Variants in MAGI1 observed in about 807,000 individuals in gnomAD.
MAGI1 encodes the protein membrane associated guanylate kinase, WW and PDZ domain containing 1.
Under a neutral mutation model 139.9 loss-of-function variants are expected in MAGI1, and 58 were observed. The observed-to-expected ratio is 0.41, with a 90% CI of 0.34 to 0.52. The LOEUF (loss-of-function observed/expected upper bound fraction) is 0.52, where lower values mean the gene tolerates loss of function less well. Ranked by LOEUF, MAGI1 falls within the 20% of genes least tolerant of loss-of-function variation. The pLI, the probability that MAGI1 is intolerant of heterozygous loss-of-function variation, is 0.12. For missense variants in MAGI1, 1,874 were observed against 1,901.6 expected, an observed-to-expected ratio of 0.99 and a Z score of 0.27; for synonymous variants, 812 against 737.9, an observed-to-expected ratio of 1.10 and a Z score of -1.63.
In MAGI1 at chr3:65,911,536, A is replaced by AT. The variant is rs566327496; in HGVS notation, c.313+126459dup. 2.9e-4 allele frequency among the ~76,000 whole-genome samples: 44 copies of AT among 151,930 alleles called. 1 individual carries two copies. In the South Asian group the frequency reaches 4.6e-3, roughly 16 times the overall value. ...TCTGCTTAGGGTGGATTCAGGGTAGATTTTTTTTGCACTTAGGACCAAACT... is the reference window on the plus strand; with the variant it reads ...TCTGCTTAGGGTGGATTCAGGGTAGATTTTTTTTTGCACTTAGGACCAAACT... On this transcript the variant is annotated intron_variant, in intron 1 of 22. Coordinates refer to ENST00000402939, the MANE Select transcript of MAGI1 (RefSeq NM_001033057.2).
chr3:65,838,354 A>C (rs2058697999), intron 1 of MAGI1, among the ~76,000 whole-genome samples: 1 of 151,880 alleles, frequency 6.6e-6, no homozygotes, highest in Admixed American at 6.5e-5. Context: ...CAAATATTTC[A>C]TCACCACAAA....
chr3:65,612,505 T>TA lies in MAGI1; in HGVS notation c.430+9466dup, dbSNP rs557728408. ...TGTTATTGGTTAATTTTAAATGCAATAAAAAAATATGTCATTGATCATTTT... is the reference window on the plus strand; with the variant it reads ...TGTTATTGGTTAATTTTAAATGCAATAAAAAAAATATGTCATTGATCATTTT... On this transcript the variant is annotated intron_variant, in intron 2 of 22. Coordinates refer to ENST00000402939, the MANE Select transcript of MAGI1 (RefSeq NM_001033057.2). Among the ~76,000 whole-genome samples the TA allele has an allele frequency of 2.1e-4, 32 of 152,150 alleles. 2 individuals are homozygous for TA. Among genetic ancestry groups the TA allele is most frequent in the Admixed American group, 6.5e-4 (10 of 15,278 alleles).
chr3:66,033,753 G>A (rs1473102849), intron 1 of MAGI1, among the ~76,000 whole-genome samples: 1 of 152,156 alleles, frequency 6.6e-6, no homozygotes, highest in Admixed American at 6.5e-5. Flanking sequence ...ACAAAAAGTA[G>A]AGGGATAGTT....
rs1229788710 is a variant in MAGI1 at position 65,962,573 on chromosome 3, G to A, written c.313+75423C>T. 4.0e-5 allele frequency among the ~76,000 whole-genome samples: 6 copies of A among 151,876 alleles called. No homozygotes were observed. In the East Asian group the frequency reaches 1.2e-3, roughly 30 times the overall value. On this transcript the variant is annotated intron_variant, in intron 1 of 22. Transcript: ENST00000402939. ...ACACTGGCCAGGCGAGGTGGTTCAC[G>A]TCTGTAATTACAGCACTTCGGGAGG...
intron 1 of MAGI1, among the ~76,000 whole-genome samples, chr3:65,852,224 G>C (rs900087342): frequency 9.2e-5 from 14 of 152,144 alleles, no homozygotes; most frequent in African/African-American, 3.4e-4. Flanking sequence ...TATCCTGCTG[G>C]TGTCTTCCAC....
chr3:65,976,626 G>A (rs2065279581), intron 1 of MAGI1, among the ~76,000 whole-genome samples: 1 of 152,128 alleles, frequency 6.6e-6, no homozygotes, highest in South Asian at 2.1e-4. Flanking sequence ...CTGGGACTCT[G>A]TCTCAAACAA....
chr3:65,825,003 T>C (rs2042147473), intron 1 of MAGI1, among the ~76,000 whole-genome samples: 2 of 152,106 alleles, frequency 1.3e-5, no homozygotes, highest in Admixed American at 6.5e-5. Context: ...CACACACAAA[T>C]GGCTTACGGT....
intron 1 of MAGI1, among the ~76,000 whole-genome samples, chr3:65,998,702 C>CT (rs1161551929): frequency 2.6e-5 from 4 of 150,982 alleles, no homozygotes; most frequent in African/African-American, 4.9e-5. Context: ...GGGGGTTTTT[C>CT]TTTTTTTTTA....
At chr3:65,900,393 AAGGTGTG>A (rs1362866669) in intron 1 of MAGI1, among the ~76,000 whole-genome samples, 3 of 152,234 alleles carry the variant, frequency 2.0e-5, no homozygotes, top group Non-Finnish European at 2.9e-5. Flanking sequence ...AGAGGTGATA[AAGGTGTG>A]AGCAAAAATT....
At chr3:65,907,529 G>A (rs975334553) in intron 1 of MAGI1, 4 of 152,160 alleles carry the variant, frequency 2.6e-5, no homozygotes, top group East Asian at 1.9e-4. Context: ...TATAAGCAAC[G>A]TTGGAAGTAA....
rs1361724972 is a variant in MAGI1, at chr3:65,705,805, A to G, written c.314-83717T>C. The stretch of plus-strand genomic sequence containing the variant: ...ACGAACTTTTAAGTCTCTTGTTCAG[A>G]CAGGGTTAATGTATAGGTTTGGGGC... On this transcript the variant is annotated intron_variant, in intron 1 of 22. Transcript: ENST00000402939. Among the ~76,000 whole-genome samples the G allele has an allele frequency of 6.6e-5, 10 of 152,340 alleles. No individual in the cohort carries two copies. The East Asian group carries it at 1.9e-3, about 29-fold the overall frequency.
intron 1 of MAGI1, among the ~76,000 whole-genome samples, chr3:65,769,793 C>CA (rs1398460423): frequency 2.6e-5 from 4 of 151,906 alleles, no homozygotes; most frequent in Non-Finnish European, 5.9e-5. Flanking sequence ...CTGTTAAAAG[C>CA]AAAAAAGGTG....
At chr3:65,519,334 TGACACA>T (rs1196809605) in intron 2 of MAGI1, among the ~76,000 whole-genome samples, 1 of 104,872 alleles carries the variant, frequency 9.5e-6, no homozygotes, top group Non-Finnish European at 1.9e-5. Context: ...TATCATGATC[TGACACA>T]CACACACACA....
intron 2 of MAGI1, among the ~76,000 whole-genome samples, chr3:65,604,636 GA>G (rs2082648662): frequency 6.7e-6 from 1 of 150,182 alleles, no homozygotes; most frequent in African/African-American, 2.4e-5. Flanking sequence ...CATCATATAA[GA>G]AAAAAGAAAC....
intron 1 of MAGI1, among the ~76,000 whole-genome samples, chr3:66,026,686 G>C (rs1328822595): frequency 6.6e-6 from 1 of 151,952 alleles, no homozygotes; most frequent in African/African-American, 2.4e-5. Context: ...GGGCACACGG[G>C]AGGAAAGAAT....
chr3:65,824,654 C>T (rs1340764416), intron 1 of MAGI1, among the ~76,000 whole-genome samples: 1 of 152,176 alleles, frequency 6.6e-6, no homozygotes, highest in African/African-American at 2.4e-5. Flanking sequence ...AACAAAGAGA[C>T]ACAGTAGCCC....
At chr3:65,523,640 A>T (rs568785843) in intron 2 of MAGI1, among the ~76,000 whole-genome samples, 2 of 152,302 alleles carry the variant, frequency 1.3e-5, no homozygotes, top group South Asian at 4.1e-4. Flanking sequence ...TTCAAGGGAA[A>T]TCTTGACCTC....
intron 7 of MAGI1, among the ~76,000 whole-genome samples, chr3:65,445,873 GA>G (rs1308002815): frequency 6.6e-6 from 1 of 152,146 alleles, no homozygotes; most frequent in Non-Finnish European, 1.5e-5. Flanking sequence ...GTCACATCTG[GA>G]ATTACATTGT....
intron 1 of MAGI1, among the ~76,000 whole-genome samples, chr3:65,717,744 T>G (rs966346099): frequency 3.3e-5 from 5 of 152,188 alleles, no homozygotes; most frequent in African/African-American, 1.2e-4. Context: ...GCAAAAGCCC[T>G]TGAGTTGATT....
Sources: gnomAD v4.1 joint callset for allele counts (sites outside exome capture counted in the v4.1 genomes callset) on GRCh38, gnomAD v4.1.1 for gene constraint, MANE v1.5 for transcripts, NCBI Gene and HGNC (gene_info 2026-07-23, HGNC 2026-07-21) for gene names.